The following SPOCK3 variants were observed in gnomAD, a reference collection of about 807,000 sequenced individuals.
SPOCK3 encodes the protein testican-3.
Under a neutral mutation model 56.6 loss-of-function variants are expected in SPOCK3, and 30 were observed. The ratio of observed to expected loss-of-function variants is 0.53; its 90% CI spans 0.40 to 0.72. The LOEUF (loss-of-function observed/expected upper bound fraction) is 0.72, where lower values mean the gene tolerates loss of function less well. Ranked by LOEUF, SPOCK3 falls within the 30% of genes least tolerant of loss-of-function variation. The probability of loss-of-function intolerance (pLI) is 0.00; values close to 1 mark genes in which losing one functional copy is unlikely to be tolerated. For missense variants in SPOCK3, 527 were observed against 530.0 expected (o/e 0.99, Z 0.06); for synonymous variants, 196 against 183.3 (o/e 1.07, Z -0.56).
chr4:167,029,628 GT>G (rs896884430), intron 3 of SPOCK3, among the ~76,000 whole-genome samples: 1 of 151,986 alleles, frequency 6.6e-6, no homozygotes, highest in African/African-American at 2.4e-5. Flanking sequence ...TCTATTGTTA[GT>G]AGTAAGATAC....
chr4:167,211,068 A>G lies in SPOCK3; in HGVS notation c.189+22917T>C, dbSNP rs528436377. ...AAAAAATGATTAACATATGTTATGT[A>G]CTTAATATACATAGTTGCATCAGCA... On this transcript the variant is annotated intron_variant, in intron 2 of 10. Coordinates refer to ENST00000357545, the MANE Select transcript of SPOCK3 (RefSeq NM_001040159.2). 5.9e-5 allele frequency among the ~76,000 whole-genome samples: 9 copies of G among 152,324 alleles called. No homozygotes were observed. In the East Asian group the frequency reaches 1.4e-3, roughly 23 times the overall value.
chr4:166,859,923 T>C (rs2126903273), intron 6 of SPOCK3, among the ~76,000 whole-genome samples: 1 of 152,196 alleles, frequency 6.6e-6, no homozygotes, highest in African/African-American at 2.4e-5. Context: ...AGTTTACAAA[T>C]GTATCGGTGA....
chr4:166,947,702 CTTCTT>C (rs959547217), intron 4 of SPOCK3, among the ~76,000 whole-genome samples: 1 of 152,042 alleles, frequency 6.6e-6, no homozygotes, highest in African/African-American at 2.4e-5. Context: ...CTCTGTGTTA[CTTCTT>C]TTATTTCTTT....
chr4:167,010,161 G>T (rs1749885558), intron 3 of SPOCK3, among the ~76,000 whole-genome samples: 1 of 152,092 alleles, frequency 6.6e-6, no homozygotes, highest in Non-Finnish European at 1.5e-5. Flanking sequence ...GAATTTACGA[G>T]TTAATGGCAA....
At chr4:166,776,744 T>C (rs1739588007) in intron 7 of SPOCK3, among the ~76,000 whole-genome samples, 1 of 152,144 alleles carries the variant, frequency 6.6e-6, no homozygotes, top group South Asian at 2.1e-4. Context: ...GAAAATAATG[T>C]TAGAGAAGAG....
chr4:167,033,471 GTTTACTTCTC>G (rs1752466042), intron 3 of SPOCK3, among the ~76,000 whole-genome samples: 1 of 151,018 alleles, frequency 6.6e-6, no homozygotes, highest in Non-Finnish European at 1.5e-5. Flanking sequence ...CATTGATCTT[GTTTACTTCTC>G]ACACCAGTCT....
intron 4 of SPOCK3, among the ~76,000 whole-genome samples, chr4:166,999,668 T>G (rs556404170): frequency 6.6e-6 from 1 of 152,182 alleles, no homozygotes; most frequent in Non-Finnish European, 1.5e-5. Flanking sequence ...GGTTAAACAA[T>G]GAATTCATGT....
chr4:166,790,013 C>T (rs1039641712), intron 7 of SPOCK3, among the ~76,000 whole-genome samples: 3 of 152,060 alleles, frequency 2.0e-5, no homozygotes, highest in Non-Finnish European at 4.4e-5. Context: ...TGAATATTAT[C>T]AATAATCATT....
At chr4:166,827,835 A>AG (rs550037441) in intron 6 of SPOCK3, among the ~76,000 whole-genome samples, 1,157 of 74,092 alleles carry the variant, frequency 0.016, 7 homozygotes, top group Middle Eastern at 0.028. Flanking sequence ...TTACTCATCA[A>AG]GGGAAAAAAA....
intron 4 of SPOCK3, among the ~76,000 whole-genome samples, chr4:166,983,403 C>T (rs1160952454): frequency 6.6e-6 from 1 of 151,972 alleles, no homozygotes; most frequent in Non-Finnish European, 1.5e-5. Flanking sequence ...ACTTTGTTAG[C>T]TTCTATGTAT....
intron 6 of SPOCK3, among the ~76,000 whole-genome samples, chr4:166,807,000 G>A (rs910736837): frequency 2.0e-5 from 3 of 151,706 alleles, no homozygotes; most frequent in African/African-American, 7.3e-5. Context: ...TCTAATAAAA[G>A]TTGTTTGAAT....
intron 2 of SPOCK3, among the ~76,000 whole-genome samples, chr4:167,169,444 G>A (rs1363740427): frequency 6.6e-6 from 1 of 152,158 alleles, no homozygotes. Flanking sequence ...GGAGCTTTAA[G>A]AATCGACTGC....
intron 2 of SPOCK3, among the ~76,000 whole-genome samples, chr4:167,090,875 C>A (rs1398833776): frequency 6.6e-6 from 1 of 151,572 alleles, no homozygotes; most frequent in Non-Finnish European, 1.5e-5. Context: ...GCTTAAAGAA[C>A]AAAATTAACC....
At position 167,053,220 on chromosome 4, in the gene SPOCK3, T is replaced by C. The variant is rs1307639545; in HGVS notation, c.235+9272A>G. Among the ~76,000 whole-genome samples, 3 of 150,566 alleles carry C rather than the reference T, an allele frequency of 2.0e-5. No individual in the cohort carries two copies. The East Asian group carries it at 5.8e-4, about 29-fold the overall frequency. ...TGCCCTTCCAAAGAGCTGGTTTTTG[T>C]TTTTTTTTCTCAAAACTGCCCCTCC... On this transcript the variant is annotated intron_variant, in intron 3 of 10. Coordinates refer to ENST00000357545, the MANE Select transcript of SPOCK3 (RefSeq NM_001040159.2).
chr4:166,931,178 C>T (rs1739714525), intron 4 of SPOCK3, among the ~76,000 whole-genome samples: 1 of 152,124 alleles, frequency 6.6e-6, no homozygotes, highest in Admixed American at 6.5e-5. Flanking sequence ...GATGGGGTTT[C>T]ACCATGTTGG....
intron 6 of SPOCK3, among the ~76,000 whole-genome samples, chr4:166,853,305 GTAAGAA>G: frequency 6.6e-6 from 1 of 152,126 alleles, no homozygotes; most frequent in Non-Finnish European, 1.5e-5. Context: ...TTATTTTATT[GTAAGAA>G]TAAGTATGAA....
chr4:166,765,836 ATTTG>A (rs1191466139), intron 7 of SPOCK3, among the ~76,000 whole-genome samples: 1 of 152,194 alleles, frequency 6.6e-6, no homozygotes, highest in African/African-American at 2.4e-5. Flanking sequence ...ATGTTCTTCC[ATTTG>A]TTTGTATCCT....
chr4:166,796,838 G>A (rs1399938937), intron 6 of SPOCK3, among the ~76,000 whole-genome samples: 3 of 152,128 alleles, frequency 2.0e-5, no homozygotes, highest in East Asian at 3.9e-4. Flanking sequence ...GTATATAAGT[G>A]TAGTACAGTT....
At chr4:166,742,236 T>A (rs915170857) in intron 8 of SPOCK3, among the ~76,000 whole-genome samples, 177 bp from the exon 9 acceptor site, 11 of 67,674 alleles carry the variant, frequency 1.6e-4, no homozygotes, top group African/African-American at 8.7e-4. Flanking sequence ...CTATCTATCA[T>A]CTATCTATCT....
Sources: gnomAD v4.1 joint callset for allele counts (sites outside exome capture counted in the v4.1 genomes callset) on GRCh38, gnomAD v4.1.1 for gene constraint, MANE v1.5 for transcripts, NCBI Gene and HGNC (gene_info 2026-07-23, HGNC 2026-07-21) for gene names.